Variants in CDH4 observed in about 807,000 individuals in gnomAD.
CDH4 encodes cadherin 4.
In CDH4, 33 loss-of-function variants were observed where a neutral mutation model predicts 86.0. The ratio of observed to expected loss-of-function variants is 0.38; its 90% CI spans 0.29 to 0.51. The LOEUF is 0.51. Among genes scored for constraint, CDH4 ranks in the 20% least tolerant of loss-of-function variants. The pLI is 0.86. For missense variants in CDH4, 1,114 were observed against 1,307.4 expected, an observed-to-expected ratio of 0.85 and a Z score of 2.28; for synonymous variants, 555 against 549.4, an observed-to-expected ratio of 1.01 and a Z score of -0.14.
chr20:61,585,011 A>G (rs2086459067), intron 2 of CDH4, among the ~76,000 whole-genome samples: 1 of 152,202 alleles, frequency 6.6e-6, no homozygotes, highest in Non-Finnish European at 1.5e-5. Flanking sequence ...CCTGTGGGCA[A>G]CCACTGCTGC....
chr20:61,808,196 C>CTGCAAGCTG (rs1457069454), intron 4 of CDH4, among the ~76,000 whole-genome samples: 2 of 152,016 alleles, frequency 1.3e-5, no homozygotes, highest in African/African-American at 4.8e-5. Flanking sequence ...GAGCTGCAAG[C>CTGCAAGCTG]CCCACCCCAG....
intron 7 of CDH4, among the ~76,000 whole-genome samples, chr20:61,889,488 G>GATGATGGA (rs1984699725): frequency 7.7e-6 from 1 of 129,418 alleles, no homozygotes; most frequent in Non-Finnish European, 1.7e-5. Context: ...GGATGAGTGA[G>GATGATGGA]TGGATGATGG....
At chr20:61,874,094 G>A (rs2146149658) in intron 7 of CDH4, among the ~76,000 whole-genome samples, 194 bp downstream of exon 7, 1 of 152,332 alleles carries the variant, frequency 6.6e-6, no homozygotes, top group South Asian at 2.1e-4. Context: ...CTATGAGCGA[G>A]TCCTTGTGAG....
At chr20:61,540,414 G>A (rs773928937) in intron 2 of CDH4, among the ~76,000 whole-genome samples, 4 of 152,174 alleles carry the variant, frequency 2.6e-5, no homozygotes, top group Non-Finnish European at 5.9e-5. Flanking sequence ...CACATGATAG[G>A]AGGGAAGTGC....
chr20:61,307,363 A>C (rs2084422895), intron 2 of CDH4, among the ~76,000 whole-genome samples: 1 of 151,918 alleles, frequency 6.6e-6, no homozygotes, highest in African/African-American at 2.4e-5. Context: ...CAGCACCTAC[A>C]TGCTCCAAAA....
chr20:61,539,781 G>T (rs2086025908), intron 2 of CDH4, among the ~76,000 whole-genome samples: 1 of 152,230 alleles, frequency 6.6e-6, no homozygotes, highest in Admixed American at 6.5e-5. Context: ...GCAGAGCAGG[G>T]ACACGCCAGC....
At chr20:61,331,716 A>ACCTGCCCCAGACCCATCTCCTGCCCCAG (rs2084580721) in intron 2 of CDH4, among the ~76,000 whole-genome samples, 1 of 12,070 alleles carries the variant, frequency 8.3e-5, no homozygotes, top group Non-Finnish European at 1.8e-4. Context: ...TCCTGCCCCG[A>ACCTGCCCCAGACCCATCTCCTGCCCCAG]CCACCTGACA....
At chr20:61,860,775 C>T (rs1378741971) in intron 6 of CDH4, among the ~76,000 whole-genome samples, 1 of 152,180 alleles carries the variant, frequency 6.6e-6, no homozygotes, top group Non-Finnish European at 1.5e-5. Context: ...GTTTCCCCCT[C>T]CCGTCTAGAG....
chr20:61,287,707 C>T (rs962793316), intron 2 of CDH4, among the ~76,000 whole-genome samples: 1 of 152,158 alleles, frequency 6.6e-6, no homozygotes, highest in African/African-American at 2.4e-5. Context: ...GTGGTGCACT[C>T]AGCATGGAGG....
Position 61,777,755 on chromosome 20 carries a change from C to T in CDH4, c.576+4573C>T, listed in dbSNP as rs1372911465. 1.3e-3 allele frequency among the ~76,000 whole-genome samples: 197 copies of T among 150,032 alleles called. 3 individuals carry two copies. Among genetic ancestry groups the T allele is most frequent in the Non-Finnish European group, 2.3e-3 (156 of 66,710 alleles). ...GCATACAAAAACACACACCCACATG[C>T]GCACACACGTGCATACAAAAACACA... is the stretch of plus-strand genomic sequence containing the variant. On this transcript the variant is annotated intron_variant, in intron 4 of 15. Transcript: ENST00000614565.
At chr20:61,340,046 G>A (rs1600881301) in intron 2 of CDH4, among the ~76,000 whole-genome samples, 1 of 152,196 alleles carries the variant, frequency 6.6e-6, no homozygotes, top group East Asian at 1.9e-4. Context: ...TTCCCAGAAA[G>A]CCTCTTTGAC....
At chr20:61,757,450 G>A (rs376882645) in intron 3 of CDH4, among the ~76,000 whole-genome samples, 7 of 152,326 alleles carry the variant, frequency 4.6e-5, no homozygotes, top group Admixed American at 6.5e-5. Context: ...AGCCTTGAAC[G>A]ACATCTGGGC....
chr20:61,686,409 GTGCCTGTACATT>G (rs953664091), intron 2 of CDH4, among the ~76,000 whole-genome samples: 1 of 151,666 alleles, frequency 6.6e-6, no homozygotes, highest in Non-Finnish European at 1.5e-5. Context: ...ACGTGTGTAT[GTGCCTGTACATT>G]TGCGTGTGTA....
intron 2 of CDH4, among the ~76,000 whole-genome samples, chr20:61,650,241 GGCCCT>G (rs1219532673): frequency 1.3e-5 from 2 of 152,140 alleles, no homozygotes; most frequent in Non-Finnish European, 2.9e-5. Flanking sequence ...CTTCCACAGG[GGCCCT>G]CCCTGCTCTG....
chr20:61,599,046 G>C (rs931674666), intron 2 of CDH4, among the ~76,000 whole-genome samples: 1 of 152,198 alleles, frequency 6.6e-6, no homozygotes, highest in Non-Finnish European at 1.5e-5. Flanking sequence ...TAAATTTGAC[G>C]ATGCTGACTT....
At chr20:61,368,797 G>A (rs28756528) in intron 2 of CDH4, among the ~76,000 whole-genome samples, 28,387 of 152,084 alleles carry the variant, frequency 0.19, 3,538 homozygotes, top group Admixed American at 0.38. Context: ...GATTACAGGC[G>A]TGAGCCACTG....
At chr20:61,787,862 G>A (rs965559192) in intron 4 of CDH4, among the ~76,000 whole-genome samples, 9 of 152,198 alleles carry the variant, frequency 5.9e-5, no homozygotes, top group African/African-American at 1.2e-4. Context: ...AGTCTTAGAG[G>A]AAGAGCCAGG....
chr20:61,374,025 G>T (rs1246358257), intron 2 of CDH4, among the ~76,000 whole-genome samples: 1 of 152,136 alleles, frequency 6.6e-6, no homozygotes, highest in Admixed American at 6.5e-5. Context: ...GGTGTGGAGG[G>T]TTTAGCGATA....
At chr20:61,447,323 A>ATTTTTTTTTTTTTTTT (rs71331923) in intron 2 of CDH4, among the ~76,000 whole-genome samples, 2 of 110,858 alleles carry the variant, frequency 1.8e-5, no homozygotes, top group Admixed American at 1.0e-4. Context: ...CGCCCAGCTG[A>ATTTTTTTTTTTTTTTT]TTTTTTTTTT....
Sources: gnomAD v4.1 joint callset for allele counts (sites outside exome capture counted in the v4.1 genomes callset) on GRCh38, gnomAD v4.1.1 for gene constraint, MANE v1.5 for transcripts, NCBI Gene and HGNC (gene_info 2026-07-23, HGNC 2026-07-21) for gene names.